Variants in VAMP4 observed in about 807,000 individuals in gnomAD.
The protein encoded by VAMP4 is vesicle associated membrane protein 4.
VAMP4 carries 19 observed loss-of-function variants against 23.5 expected under a neutral mutation model. The observed-to-expected ratio is 0.81, with a 90% CI of 0.56 to 1.19. The LOEUF is 1.19. Among genes scored for constraint, VAMP4 ranks in the 50% most tolerant of loss-of-function variants. The pLI is 0.00. For missense variants in VAMP4, 145 were observed against 168.6 expected, an observed-to-expected ratio of 0.86 and a Z score of 0.78; for synonymous variants, 31 against 51.0, an observed-to-expected ratio of 0.61 and a Z score of 1.67.
In VAMP4 at chr1:171,700,264, A is replaced by G. The variant is rs953804826; in HGVS notation, c.*4242T>C. The G allele has an allele frequency of 2.0e-5, 3 of 152,236 alleles. No homozygotes were observed. The highest frequency in any genetic ancestry group is 2.9e-5 in the Non-Finnish European group (2 of 68,038). The allele number at this position is 152,236 out of a possible 1,614,324, so 9.4% of individuals were successfully genotyped here. A position where few individuals can be genotyped will look rare whatever the true frequency, so the allele number is the denominator to read the frequency against. On this transcript the variant is annotated 3_prime_UTR_variant, in exon 8 of 8. Coordinates refer to ENST00000236192, the MANE Select transcript of VAMP4 (RefSeq NM_003762.5). The stretch of plus-strand genomic sequence containing the variant: ...GTCTAAACTTTGCAACACTGGTAAA[A>G]ATGGTTATGAGGAATTGAGAAGCTA...
At chr1:171,710,235 C>T (rs1279766636) in intron 5 of VAMP4, among the ~76,000 whole-genome samples, 3 of 128,586 alleles carry the variant, frequency 2.3e-5, no homozygotes, top group African/African-American at 9.7e-5. Flanking sequence ...AGGTATTCAG[C>T]CATTCACCAA....
chr1:171,738,546 T>C, intron 1 of VAMP4, 83 bp from the exon 2 acceptor site: 1 of 823,384 alleles, frequency 1.2e-6, no homozygotes, highest in Non-Finnish European at 1.9e-6. Context: ...TGAAACCCTG[T>C]ATGACAGGGA....
Position 171,708,544 on chromosome 1 carries a change from A to G in VAMP4, c.345+1121T>C, listed in dbSNP as rs115149072. On this transcript the variant is annotated intron_variant, in intron 6 of 7. Coordinates refer to ENST00000236192, the MANE Select transcript of VAMP4 (RefSeq NM_003762.5). ...AAGGTAACTCTTGGAAAAAATCCTCAGCATATGGCTAAGTCAGGTTTAGAA... is the reference window on the plus strand; with the variant it reads ...AAGGTAACTCTTGGAAAAAATCCTCGGCATATGGCTAAGTCAGGTTTAGAA... Among the ~76,000 whole-genome samples, 1,086 of 152,018 alleles carry G rather than the reference A, an allele frequency of 7.1e-3. 15 individuals carry two copies. Among genetic ancestry groups the G allele is most frequent in the African/African-American group, 0.025 (1,036 of 41,504 alleles).
chr1:171,734,810 A>G (rs1655685722), intron 2 of VAMP4, among the ~76,000 whole-genome samples: 1 of 152,186 alleles, frequency 6.6e-6, no homozygotes, highest in African/African-American at 2.4e-5. Flanking sequence ...TCAATGAAGA[A>G]TATAAGGAGA....
chr1:171,731,424 AT>A (rs200968797), intron 2 of VAMP4, among the ~76,000 whole-genome samples: 208 of 139,318 alleles, frequency 1.5e-3, no homozygotes, highest in African/African-American at 5.2e-3. Context: ...AATAATAATA[AT>A]AAAAAAAACA....
intron 3 of VAMP4, among the ~76,000 whole-genome samples, chr1:171,723,936 GC>G (rs1655280260): frequency 6.6e-6 from 1 of 152,144 alleles, no homozygotes; most frequent in African/African-American, 2.4e-5. Context: ...ATGCTCTTCT[GC>G]CATGGCTTCA....
chr1:171,714,773 G>GA (rs890495430), intron 4 of VAMP4, among the ~76,000 whole-genome samples: 5 of 151,016 alleles, frequency 3.3e-5, no homozygotes, highest in South Asian at 2.1e-4. Flanking sequence ...CTGTGTCTAA[G>GA]AAAAAAAAAG....
intron 4 of VAMP4, among the ~76,000 whole-genome samples, chr1:171,715,304 A>G (rs1003810072): frequency 3.3e-5 from 5 of 152,206 alleles, no homozygotes; most frequent in African/African-American, 1.2e-4. Flanking sequence ...AAAAGACATG[A>G]GAGAGAACAC....
Position 171,703,473 on chromosome 1 carries a change from A to ACACC in VAMP4, c.*1032_*1033insGGTG, listed in dbSNP as rs1331363681. ...TATATATATATATATATATATACAC[A>ACACC]TAGGTTCCTGACTTTCTACTACTCA... On this transcript the variant is annotated 3_prime_UTR_variant, in exon 8 of 8. Coordinates refer to ENST00000236192, the MANE Select transcript of VAMP4 (RefSeq NM_003762.5). 3.5e-5 allele frequency: 4 copies of ACACC among 115,206 alleles called. No individual in the cohort carries two copies. Among genetic ancestry groups the ACACC allele is most frequent in the East Asian group, 5.5e-4 (2 of 3,642 alleles). The allele number at this position is 115,206 out of a possible 1,614,324, so 7.1% of individuals were successfully genotyped here.
At chr1:171,705,624 T>C (rs982083361) in intron 7 of VAMP4, among the ~76,000 whole-genome samples, 2 of 152,142 alleles carry the variant, frequency 1.3e-5, no homozygotes, top group East Asian at 3.8e-4. Flanking sequence ...GTAACTGGAT[T>C]TGCAAACACG....
intron 6 of VAMP4, among the ~76,000 whole-genome samples, chr1:171,706,826 C>G (rs1022250062): frequency 1.5e-4 from 23 of 152,218 alleles, no homozygotes; most frequent in African/African-American, 5.5e-4. Flanking sequence ...TAGTAATAAG[C>G]CCATCAAATC....
intron 3 of VAMP4, among the ~76,000 whole-genome samples, chr1:171,724,882 G>C (rs1453766923): frequency 6.6e-6 from 1 of 152,188 alleles, no homozygotes; most frequent in Non-Finnish European, 1.5e-5. Context: ...AAGACACATA[G>C]AGTCCAGAAA....
At chr1:171,715,641 C>CTTGA (rs1263783325) in intron 4 of VAMP4, among the ~76,000 whole-genome samples, 1 of 152,156 alleles carries the variant, frequency 6.6e-6, no homozygotes, top group Non-Finnish European at 1.5e-5. Context: ...ACACATAGCA[C>CTTGA]ATACTTGATA....
In VAMP4 at chr1:171,719,752, T is replaced by C. The variant is rs74854740; in HGVS notation, c.114-531A>G. Among the ~76,000 whole-genome samples, 581 of 152,122 alleles carry C rather than the reference T, an allele frequency of 3.8e-3. 6 individuals carry two copies. Among genetic ancestry groups the C allele is most frequent in the South Asian group, 0.013 (64 of 4,832 alleles). ...ATTATTCATCTTAAACTTATCAACATAGCAAAAGGGAAATGCAAGATATTA... is the reference window on the plus strand; with the variant it reads ...ATTATTCATCTTAAACTTATCAACACAGCAAAAGGGAAATGCAAGATATTA... On this transcript the variant is annotated intron_variant, in intron 3 of 7. Transcript: ENST00000236192.
chr1:171,704,804 A>T (rs920432316), intron 7 of VAMP4, among the ~76,000 whole-genome samples: 1 of 152,020 alleles, frequency 6.6e-6, no homozygotes, highest in African/African-American at 2.4e-5. Context: ...AAATTTTGAT[A>T]ACCTGGGATA....
rs1654583976 is a variant in VAMP4 at position 171,704,503 on chromosome 1, A to G, written c.*3T>C. 1.3e-6 allele frequency: 2 copies of G among 1,582,648 alleles called. No individual in the cohort carries two copies. ...TTGTTTAATGAAGATCTCTGTCATC[A>G]AATCAAGTACGGTATTTCATGACTA... On this transcript the variant is annotated 3_prime_UTR_variant, in exon 8 of 8. Transcript: ENST00000236192.
chr1:171,709,676 G>A lies in VAMP4; in HGVS notation c.334C>T (p.Arg112Cys), dbSNP rs375741911. 7 of 1,612,188 alleles carry A rather than the reference G, an allele frequency of 4.3e-6. No individual in the cohort carries two copies. Among genetic ancestry groups the A allele is most frequent in the African/African-American group, 1.3e-5 (1 of 74,774 alleles). ...SKQLRRQMWW[R>C]GCKIKAIMAL... is the part of the protein sequence containing the mutation. ...TCTGATTTACTTACTTTGCATCCAC[G>A]CCACCACATTTGCCTTCGAAGTTGT... Residue 112 changes from arginine (R) to cysteine (C), a missense_variant, in exon 6 of 8, where the codon CGT (arginine) becomes TGT (cysteine). Transcript: ENST00000236192.
Position 171,703,473 on chromosome 1 carries a change from A to ATC in VAMP4, c.*1032_*1033insGA, listed in dbSNP as rs1553258267. On this transcript the variant is annotated 3_prime_UTR_variant, in exon 8 of 8. Transcript: ENST00000236192. ...TATATATATATATATATATATACAC[A>ATC]TAGGTTCCTGACTTTCTACTACTCA... is the stretch of plus-strand genomic sequence containing the variant. 2.6e-5 allele frequency: 3 copies of ATC among 115,204 alleles called. No individual in the cohort carries two copies. Among genetic ancestry groups the ATC allele is most frequent in the Non-Finnish European group, 5.3e-5 (3 of 57,130 alleles). 7.1% of individuals were successfully genotyped at this position (115,204 alleles called of 1,614,324 possible).
At chr1:171,721,045 C>A (rs1256755228) in intron 3 of VAMP4, among the ~76,000 whole-genome samples, 4 of 151,376 alleles carry the variant, frequency 2.6e-5, no homozygotes, top group African/African-American at 9.7e-5. Context: ...ATTCACAGAC[C>A]AAAAAAAATG....
Sources: allele counts gnomAD v4.1 joint callset (sites outside exome capture counted in the v4.1 genomes callset), GRCh38; gene constraint gnomAD v4.1.1; transcripts MANE v1.5; gene names NCBI Gene and HGNC (gene_info 2026-07-23, HGNC 2026-07-21).